The following PPP2R5C variants were observed in gnomAD, a reference collection of about 807,000 sequenced individuals.
The protein encoded by PPP2R5C is protein phosphatase 2 regulatory subunit B'gamma.
PPP2R5C carries 7 observed loss-of-function variants against 68.9 expected under a neutral mutation model. The observed-to-expected ratio is 0.10, with a 90% CI of 0.06 to 0.19. The LOEUF (loss-of-function observed/expected upper bound fraction) is 0.19, where lower values mean the gene tolerates loss of function less well. Among genes scored for constraint, PPP2R5C ranks in the 10% least tolerant of loss-of-function variants. The probability of loss-of-function intolerance (pLI) is 1.00; values close to 1 mark genes in which losing one functional copy is unlikely to be tolerated. For missense variants in PPP2R5C, 348 were observed against 641.3 expected, an observed-to-expected ratio of 0.54 and a Z score of 4.94; for synonymous variants, 210 against 222.2, an observed-to-expected ratio of 0.95 and a Z score of 0.49.
At position 101,864,965 on chromosome 14, in the gene PPP2R5C, C is replaced by T. The variant is rs548897111; in HGVS notation, c.294+8080C>T. ...TCAGGAGAGAAGTGGTGGAATGAGC[C>T]AAGCGGCTTTGATGGCAGAGAGAAA... On this transcript the variant is annotated intron_variant, in intron 2 of 13. Coordinates refer to ENST00000334743, the Ensembl canonical transcript of PPP2R5C. Among the ~76,000 whole-genome samples, 253 of 152,244 alleles carry T rather than the reference C, an allele frequency of 1.7e-3. 1 individual carries two copies. The highest frequency in any genetic ancestry group is 3.0e-3 in the Non-Finnish European group (201 of 68,032).
chr14:101,765,714 C>G (rs2036820277), intron 2 of PPP2R5C: 1 of 150,816 alleles, frequency 6.6e-6, no homozygotes, highest in Admixed American at 6.6e-5. Flanking sequence ...ATTACAGGCT[C>G]CTGCCACCAT....
chr14:101,924,566 T>C (rs566682135), intron 13 of PPP2R5C, among the ~76,000 whole-genome samples: 1 of 151,604 alleles, frequency 6.6e-6, no homozygotes, highest in African/African-American at 2.4e-5. Context: ...CCCCAGCCTT[T>C]CAAGTAGCTG....
rs2038661170 is a variant in PPP2R5C, at chr14:101,797,324, G to A, written c.259+11141G>A. On this transcript the variant is annotated intron_variant, in intron 3 of 14. Coordinates refer to the PPP2R5C transcript ENST00000328724. This position sits in a 1 kb window ranked among gnomAD's most constrained non-coding sequence, Gnocchi z 4.2. ...CGTATCCCCCAATCAGTGGATGGAC[G>A]CGTGGGTTGCAGAGCACGCCACACA... 8.8e-6 allele frequency: 4 copies of A among 455,818 alleles called. No individual in the cohort carries two copies. Among genetic ancestry groups the A allele is most frequent in the Admixed American group, 7.1e-5 (3 of 42,552 alleles). 28.2% of individuals were successfully genotyped at this position (455,818 alleles called of 1,614,324 possible).
exon 14 of PPP2R5C, chr14:101,926,966 C>CA (rs1440654088): frequency 6.6e-6 from 1 of 152,040 alleles, no homozygotes; most frequent in Admixed American, 6.6e-5. Flanking sequence ...AGAAACTTGA[C>CA]AAGTATCTCT....
intron 9 of PPP2R5C, among the ~76,000 whole-genome samples, chr14:101,903,338 G>C (rs1306279452): frequency 6.6e-6 from 1 of 152,266 alleles, no homozygotes; most frequent in Non-Finnish European, 1.5e-5. Context: ...GGGCAAGGAG[G>C]AAGGGAAGTC....
chr14:101,765,276 C>G, intron 2 of PPP2R5C: 1 of 702,754 alleles, frequency 1.4e-6, no homozygotes, highest in Non-Finnish European at 2.6e-6. Context: ...AAGCTTGACA[C>G]TTGGCAGATC....
chr14:101,873,043 CA>C (rs1016877751), intron 2 of PPP2R5C, among the ~76,000 whole-genome samples: 9 of 151,898 alleles, frequency 5.9e-5, no homozygotes, highest in African/African-American at 1.4e-4. Context: ...TCATTTCACA[CA>C]TTTTTTTTAA....
chr14:101,906,314 A>G lies in PPP2R5C; in HGVS notation c.1024-88A>G. The G allele has an allele frequency of 1.4e-6, 2 of 1,398,414 alleles. No individual in the cohort carries two copies. Among genetic ancestry groups the G allele is most frequent in the East Asian group, 4.8e-5 (2 of 41,712 alleles). 86.6% of individuals were successfully genotyped at this position (1,398,414 alleles called of 1,614,324 possible). A position where few individuals can be genotyped will look rare whatever the true frequency, so the allele number is the denominator to read the frequency against. On this transcript the variant is annotated intron_variant, in intron 9 of 13. Coordinates refer to ENST00000334743, the Ensembl canonical transcript of PPP2R5C. The surrounding 1 kb of genome is among the most constrained non-coding windows in gnomAD (Gnocchi z 4.0). ...ATAATTTTCTGGTCCAAGGTAGTTCATTACCCGACTCACAGGTTTAACAGC... is the reference window on the plus strand; with the variant it reads ...ATAATTTTCTGGTCCAAGGTAGTTCGTTACCCGACTCACAGGTTTAACAGC...
chr14:101,883,379 A>T, intron 4 of PPP2R5C, 30 bp downstream of exon 6: 1 of 1,609,292 alleles, frequency 6.2e-7, no homozygotes, highest in Non-Finnish European at 8.5e-7. Context: ...ACACTCTGAA[A>T]GCCCTGATGG....
chr14:101,874,214 C>G (rs1163008425), intron 2 of PPP2R5C, among the ~76,000 whole-genome samples: 1 of 152,190 alleles, frequency 6.6e-6, no homozygotes, highest in African/African-American at 2.4e-5. Flanking sequence ...AACTTCCCTT[C>G]TCAGTTGATT....
chr14:101,824,010 C>CT lies in PPP2R5C; in HGVS notation c.94+13975dup, dbSNP rs1411816329. Reference sequence around the variant, plus strand: ...CTTATCTGAGCCTTACATTGTCTCACTAGGCACAGTGCCCACTTGTTCCGT... The same window carrying CT: ...CTTATCTGAGCCTTACATTGTCTCACTTAGGCACAGTGCCCACTTGTTCCGT... On this transcript the variant is annotated intron_variant, in intron 1 of 13. Coordinates refer to ENST00000334743, the Ensembl canonical transcript of PPP2R5C. 61 of 1,289,192 alleles carry CT rather than the reference C, an allele frequency of 4.7e-5. 1 individual carries two copies. Among genetic ancestry groups the CT allele is most frequent in the Non-Finnish European group, 6.2e-5 (61 of 988,706 alleles). The allele number at this position is 1,289,192 out of a possible 1,614,324, so 79.9% of individuals were successfully genotyped here. A position where few individuals can be genotyped will look rare whatever the true frequency, so the allele number is the denominator to read the frequency against.
At chr14:101,836,333 T>A (rs2041098719) in intron 1 of PPP2R5C, 1 of 702,268 alleles carries the variant, frequency 1.4e-6, no homozygotes, top group Non-Finnish European at 2.6e-6. Context: ...CCCTTCTTCC[T>A]CTACTCCCGA....
rs1255354379 is a variant in PPP2R5C, at chr14:101,913,126, G to A, written c.1326+653G>A. Among the ~76,000 whole-genome samples the A allele has an allele frequency of 6.6e-6, 1 of 152,226 alleles. No individual in the cohort carries two copies. Among genetic ancestry groups the A allele is most frequent in the Admixed American group, 6.5e-5 (1 of 15,284 alleles). On this transcript the variant is annotated intron_variant, in intron 12 of 13. Coordinates refer to ENST00000334743, the Ensembl canonical transcript of PPP2R5C. The surrounding 1 kb of genome is among the most constrained non-coding windows in gnomAD (Gnocchi z 4.1). Reference sequence around the variant, plus strand: ...ATGGTCTTTGGGTTTGATGTACGCTGCTGTAAATGACTAGAGCGTTATGAC... The same window carrying A: ...ATGGTCTTTGGGTTTGATGTACGCTACTGTAAATGACTAGAGCGTTATGAC...
rs2045566547 is a variant in PPP2R5C at position 101,899,679 on chromosome 14, A to G, written c.853-2040A>G. Among the ~76,000 whole-genome samples, 1 of 152,240 alleles carries G rather than the reference A, an allele frequency of 6.6e-6. No homozygotes were observed. The highest frequency in any genetic ancestry group is 2.4e-5 in the African/African-American group (1 of 41,472). Reference sequence around the variant, plus strand: ...AATTCCATTTGACAAATGAAGAGAAATAGATGTAGGAAGTGATTTCCATCT... The same window carrying G: ...AATTCCATTTGACAAATGAAGAGAAGTAGATGTAGGAAGTGATTTCCATCT... On this transcript the variant is annotated intron_variant, in intron 8 of 13. Coordinates refer to ENST00000334743, the Ensembl canonical transcript of PPP2R5C. The surrounding 1 kb of genome is among the most constrained non-coding windows in gnomAD (Gnocchi z 4.2).
At chr14:101,858,384 A>G (rs2140592689) in intron 2 of PPP2R5C, among the ~76,000 whole-genome samples, 1 of 152,172 alleles carries the variant, frequency 6.6e-6, no homozygotes, top group South Asian at 2.1e-4. Context: ...AGTATATGTG[A>G]TATTTAGGTA....
intron 1 of PPP2R5C, among the ~76,000 whole-genome samples, chr14:101,821,833 C>T (rs1186785937): frequency 2.6e-5 from 4 of 151,844 alleles, no homozygotes; most frequent in Non-Finnish European, 4.4e-5. Flanking sequence ...CATAGGTGCT[C>T]TAGGCTAATT....
chr14:101,796,314 A>T (rs928797329), intron 3 of PPP2R5C, among the ~76,000 whole-genome samples: 1 of 152,070 alleles, frequency 6.6e-6, no homozygotes, highest in Non-Finnish European at 1.5e-5. Context: ...CGCGCAGGGA[A>T]TCTCTGCTTT....
At chr14:101,870,686 T>G (rs1185421174) in intron 2 of PPP2R5C, among the ~76,000 whole-genome samples, 1 of 152,244 alleles carries the variant, frequency 6.6e-6, no homozygotes, top group Non-Finnish European at 1.5e-5. Flanking sequence ...TACAAAATAT[T>G]CTCCAGGGGT....
At position 101,781,576 on chromosome 14, in the gene PPP2R5C, G is replaced by C. The variant is rs947449056; in HGVS notation, c.94-4442G>C. Among the ~76,000 whole-genome samples the C allele has an allele frequency of 2.0e-5, 3 of 149,512 alleles. No individual in the cohort carries two copies. The highest frequency in any genetic ancestry group is 7.4e-5 in the African/African-American group (3 of 40,680). The stretch of plus-strand genomic sequence containing the variant: ...CTCTGCCCCAACCACGTTTTCTCAA[G>C]AGTGTTGTCTGTCCCGGCCTTCCAA... On this transcript the variant is annotated intron_variant, in intron 2 of 14. Coordinates refer to the PPP2R5C transcript ENST00000328724. The surrounding 1 kb of genome is among the most constrained non-coding windows in gnomAD (Gnocchi z 6.4).
Sources: gnomAD v4.1 joint callset for allele counts (sites outside exome capture counted in the v4.1 genomes callset) on GRCh38, gnomAD v4.1.1 for gene constraint, Gnocchi (gnomAD v3.1) non-coding constraint, MANE v1.5 for transcripts, NCBI Gene and HGNC (gene_info 2026-07-23, HGNC 2026-07-21) for gene names.